The following GLIS3 variants were observed in gnomAD, a reference collection of about 807,000 sequenced individuals.
GLIS3 encodes the protein GLIS family zinc finger 3, also known as zinc finger protein GLIS3.
In GLIS3, 53 loss-of-function variants were observed where a neutral mutation model predicts 78.6. That is an observed-to-expected ratio of 0.67 (90% confidence interval 0.54 to 0.85). The LOEUF (loss-of-function observed/expected upper bound fraction) is 0.85, where lower values mean the gene tolerates loss of function less well. GLIS3 is among the 40% of genes least tolerant of loss of function. The pLI is 0.00. For missense variants in GLIS3, 1,703 were observed against 1,231.1 expected, an observed-to-expected ratio of 1.38 and a Z score of -5.74; for synonymous variants, 684 against 509.9, an observed-to-expected ratio of 1.34 and a Z score of -4.60.
chr9:3,880,506 C>T (rs1209332812), intron 7 of GLIS3, among the ~76,000 whole-genome samples: 1 of 152,198 alleles, frequency 6.6e-6, no homozygotes, highest in Non-Finnish European at 1.5e-5. Context: ...CTTTAACTTC[C>T]TTCTTTGTAC....
chr9:4,350,693 C>A (rs1442609832), upstream of GLIS3, among the ~76,000 whole-genome samples: 1 of 152,164 alleles, frequency 6.6e-6, no homozygotes, highest in African/African-American at 2.4e-5. Flanking sequence ...AAGTAATATC[C>A]TCCTTCATTC....
At chr9:4,255,960 A>C (rs755386629) in intron 2 of GLIS3, among the ~76,000 whole-genome samples, 1 of 152,212 alleles carries the variant, frequency 6.6e-6, no homozygotes, top group East Asian at 1.9e-4. Flanking sequence ...ATATGCGTGC[A>C]GGGAGTATAT....
intron 2 of GLIS3, among the ~76,000 whole-genome samples, chr9:4,207,223 C>G (rs948631523): frequency 6.6e-6 from 1 of 152,182 alleles, no homozygotes; most frequent in South Asian, 2.1e-4. Context: ...CATGCTGAAG[C>G]TGCCCCCTTC....
rs150080086 is a variant in GLIS3 at position 4,005,815 on chromosome 9, T to C, written c.1711-68626A>G. ...ATCAAAGATACTTAAATTATCTACA[T>C]GAGTGGCTTGCCCAGAAGAGAATGA... is the stretch of plus-strand genomic sequence containing the variant. On this transcript the variant is annotated intron_variant, in intron 4 of 10. Coordinates refer to ENST00000381971, the MANE Select transcript of GLIS3 (RefSeq NM_001042413.2). 4.6e-5 allele frequency among the ~76,000 whole-genome samples: 7 copies of C among 152,348 alleles called. No individual in the cohort carries two copies. The East Asian group carries it at 1.3e-3, about 29-fold the overall frequency.
At chr9:4,355,038 C>T in the GLIS3 span, among the ~76,000 whole-genome samples, 1 of 151,620 alleles carries the variant, frequency 6.6e-6, no homozygotes, top group African/African-American at 2.4e-5. Flanking sequence ...ATTGCTTGAA[C>T]CCTGGAGGCT....
At chr9:4,093,448 C>G (rs1254351794) in intron 4 of GLIS3, among the ~76,000 whole-genome samples, 1 of 152,170 alleles carries the variant, frequency 6.6e-6, no homozygotes, top group Non-Finnish European at 1.5e-5. Flanking sequence ...CTTCCTCCCT[C>G]GGGTTGGCAG....
chr9:3,837,188 C>T (rs955421771), intron 9 of GLIS3, among the ~76,000 whole-genome samples: 2 of 152,218 alleles, frequency 1.3e-5, no homozygotes, highest in Admixed American at 6.5e-5. Context: ...ACCTGCACCA[C>T]ATAAGGCCCT....
At chr9:4,295,489 T>G (rs575930829) in intron 1 of GLIS3, among the ~76,000 whole-genome samples, 60 of 152,310 alleles carry the variant, frequency 3.9e-4, no homozygotes, top group African/African-American at 1.7e-4. Flanking sequence ...AATAAAAGGT[T>G]GTTGTGTTGA....
intron 2 of GLIS3, among the ~76,000 whole-genome samples, chr9:4,164,177 A>G (rs1835708649): frequency 6.6e-6 from 1 of 152,174 alleles, no homozygotes; most frequent in African/African-American, 2.4e-5. Flanking sequence ...AAAGCCAACA[A>G]TGTTATTACA....
the GLIS3 span, among the ~76,000 whole-genome samples, chr9:4,402,755 A>T: frequency 6.6e-6 from 1 of 152,210 alleles, no homozygotes; most frequent in South Asian, 2.1e-4. Flanking sequence ...GCTTGAAGAC[A>T]GGCTATTTGA....
the GLIS3 span, among the ~76,000 whole-genome samples, chr9:4,407,251 T>C: frequency 6.6e-6 from 1 of 152,216 alleles, no homozygotes. Context: ...CGCAGAAGAA[T>C]GAAACTAGAC....
chr9:4,007,695 C>T (rs1304601500), intron 4 of GLIS3, among the ~76,000 whole-genome samples: 2 of 152,022 alleles, frequency 1.3e-5, no homozygotes, highest in African/African-American at 4.8e-5. Flanking sequence ...CACACATACA[C>T]ACATAAGAAA....
At chr9:3,842,381 A>G (rs1241026186) in intron 9 of GLIS3, among the ~76,000 whole-genome samples, 1 of 152,188 alleles carries the variant, frequency 6.6e-6, no homozygotes, top group African/African-American at 2.4e-5. Flanking sequence ...CTGACGCAGA[A>G]GAATTGCTTG....
At chr9:4,441,841 G>C in the GLIS3 span, among the ~76,000 whole-genome samples, 1 of 152,164 alleles carries the variant, frequency 6.6e-6, no homozygotes, top group Non-Finnish European at 1.5e-5. Flanking sequence ...CTGGGCTCAA[G>C]TGATCTGCCC....
intron 9 of GLIS3, among the ~76,000 whole-genome samples, chr9:3,853,327 G>C (rs1430150160): frequency 6.6e-6 from 1 of 152,110 alleles, no homozygotes; most frequent in East Asian, 1.9e-4. Context: ...CAAGAGGTAG[G>C]GGAAAATAAT....
chr9:4,059,197 G>C (rs1172414129), intron 4 of GLIS3, among the ~76,000 whole-genome samples: 1 of 152,164 alleles, frequency 6.6e-6, no homozygotes, highest in Non-Finnish European at 1.5e-5. Flanking sequence ...TCTGAGCACA[G>C]ACGAGATTTC....
intron 4 of GLIS3, among the ~76,000 whole-genome samples, chr9:4,077,626 A>T (rs1245513343): frequency 6.6e-6 from 1 of 152,140 alleles, no homozygotes. Flanking sequence ...GTTCTTTGAG[A>T]CACTGGAAAT....
chr9:4,417,962 T>G, the GLIS3 span, among the ~76,000 whole-genome samples: 2 of 152,346 alleles, frequency 1.3e-5, no homozygotes, highest in Admixed American at 1.3e-4. Context: ...GTGACAACTC[T>G]TTTTGTGAGG....
intron 8 of GLIS3, among the ~76,000 whole-genome samples, chr9:3,860,546 C>G (rs7022793): frequency 2.6e-5 from 4 of 152,022 alleles, no homozygotes; most frequent in Admixed American, 1.3e-4. Flanking sequence ...AACTGAGACA[C>G]GTAGACCCTG....
Sources: gnomAD v4.1 joint callset for allele counts (sites outside exome capture counted in the v4.1 genomes callset) on GRCh38, gnomAD v4.1.1 for gene constraint, MANE v1.5 for transcripts, NCBI Gene and HGNC (gene_info 2026-07-23, HGNC 2026-07-21) for gene names.